CDK14: variants seen among roughly 807,000 people sequenced by gnomAD.
CDK14 encodes cyclin dependent kinase 14, also known as cyclin-dependent kinase 14.
A neutral mutation model predicts 60.7 loss-of-function variants in CDK14; 34 were observed. That is an observed-to-expected ratio of 0.56 (90% CI 0.43 to 0.75). CDK14 has a LOEUF of 0.75. Ranked by LOEUF, CDK14 falls within the 30% of genes least tolerant of loss-of-function variation. The pLI is 0.00. For missense variants in CDK14, 482 were observed against 564.1 expected (o/e 0.85, Z 1.47); for synonymous variants, 197 against 203.7 (o/e 0.97, Z 0.28).
At chr7:90,937,213 C>A (rs1276077410) in intron 8 of CDK14, among the ~76,000 whole-genome samples, 1 of 152,156 alleles carries the variant, frequency 6.6e-6, no homozygotes, top group Non-Finnish European at 1.5e-5. Context: ...ATATGGTAAA[C>A]TGTAGAAACA....
chr7:90,940,258 AT>A (rs375481202), intron 8 of CDK14, among the ~76,000 whole-genome samples: 1,690 of 152,184 alleles, frequency 0.011, 33 homozygotes, highest in African/African-American at 0.037. Context: ...AGAATCACAC[AT>A]TTTTTACATA....
chr7:90,918,592 C>T (rs186295859), intron 8 of CDK14, among the ~76,000 whole-genome samples: 21 of 152,320 alleles, frequency 1.4e-4, no homozygotes, highest in Admixed American at 6.5e-4. Flanking sequence ...GGCAGCATAA[C>T]GTGTTGACAT....
At chr7:91,086,157 C>T (rs957989411) in intron 12 of CDK14, among the ~76,000 whole-genome samples, 11 of 152,206 alleles carry the variant, frequency 7.2e-5, no homozygotes, top group African/African-American at 2.4e-4. Context: ...ATTTTGCACT[C>T]AAGTGTCCAG....
chr7:90,981,158 A>G, intron 9 of CDK14, among the ~76,000 whole-genome samples: 1 of 152,238 alleles, frequency 6.6e-6, no homozygotes, highest in East Asian at 1.9e-4. Context: ...AAATAAGAAG[A>G]AAATAGTCTT....
At chr7:90,831,690 G>GT (rs34325666) in intron 5 of CDK14, among the ~76,000 whole-genome samples, 4 of 150,102 alleles carry the variant, frequency 2.7e-5, no homozygotes, top group East Asian at 3.9e-4. Flanking sequence ...ACACTTGACT[G>GT]TTTTTTTTTT....
intron 11 of CDK14, among the ~76,000 whole-genome samples, chr7:91,060,519 G>T (rs1376721212): frequency 6.6e-6 from 1 of 152,170 alleles, no homozygotes; most frequent in Non-Finnish European, 1.5e-5. Flanking sequence ...AATTTGGCAT[G>T]TTTTTGCAGT....
chr7:90,706,372 C>G (rs1801895534), intron 2 of CDK14, among the ~76,000 whole-genome samples: 1 of 152,140 alleles, frequency 6.6e-6, no homozygotes, highest in Non-Finnish European at 1.5e-5. Flanking sequence ...CATTTCCACT[C>G]TACATATGTC....
chr7:91,022,061 A>C (rs981581770), intron 10 of CDK14, among the ~76,000 whole-genome samples: 2 of 152,196 alleles, frequency 1.3e-5, no homozygotes, highest in Non-Finnish European at 2.9e-5. Context: ...GGATGGGTCC[A>C]GTCTTGCTGT....
chr7:90,774,388 G>A (rs978348716), intron 4 of CDK14, among the ~76,000 whole-genome samples: 3 of 152,040 alleles, frequency 2.0e-5, no homozygotes, highest in Non-Finnish European at 4.4e-5. Flanking sequence ...TTGCCTATAA[G>A]ACAGTTCATT....
chr7:90,666,954 T>A (rs1307337179), intron 2 of CDK14, among the ~76,000 whole-genome samples: 1 of 152,254 alleles, frequency 6.6e-6, no homozygotes, highest in Non-Finnish European at 1.5e-5. Flanking sequence ...AATCTGCATA[T>A]GCCTATTACC....
At chr7:90,911,052 T>A (rs1250234826) in intron 7 of CDK14, among the ~76,000 whole-genome samples, 1 of 152,166 alleles carries the variant, frequency 6.6e-6, no homozygotes, top group Non-Finnish European at 1.5e-5. Flanking sequence ...TTTCTTGCTA[T>A]GATACTTTGC....
intron 11 of CDK14, among the ~76,000 whole-genome samples, chr7:91,076,370 G>A (rs765515202): frequency 6.7e-6 from 1 of 148,664 alleles, no homozygotes; most frequent in Admixed American, 6.8e-5. Flanking sequence ...TCTGATCTTC[G>A]ACAAACCTGA....
At chr7:91,060,564 T>G (rs1187673678) in intron 11 of CDK14, among the ~76,000 whole-genome samples, 1 of 152,216 alleles carries the variant, frequency 6.6e-6, no homozygotes, top group Non-Finnish European at 1.5e-5. Context: ...ATGTTTCTGC[T>G]TCCTTCAGGA....
chr7:90,886,007 C>A (rs1168476822), intron 6 of CDK14, among the ~76,000 whole-genome samples: 5 of 152,084 alleles, frequency 3.3e-5, no homozygotes, highest in African/African-American at 1.2e-4. Context: ...GCACATTCTG[C>A]ACATATATCT....
chr7:90,987,414 C>G (rs1009539912), intron 10 of CDK14, among the ~76,000 whole-genome samples: 10 of 151,916 alleles, frequency 6.6e-5, no homozygotes, highest in Non-Finnish European at 1.3e-4. Context: ...TTTTACATGT[C>G]TAATGCCTCT....
intron 2 of CDK14, among the ~76,000 whole-genome samples, chr7:90,673,782 T>G (rs1052042357): frequency 2.0e-5 from 3 of 152,212 alleles, no homozygotes; most frequent in Admixed American, 6.5e-5. Flanking sequence ...ATATCCTTAC[T>G]TTGCTTTCAT....
chr7:90,598,936 C>A (rs948373102), intron 1 of CDK14, among the ~76,000 whole-genome samples: 4 of 151,812 alleles, frequency 2.6e-5, no homozygotes, highest in African/African-American at 9.7e-5. Flanking sequence ...GATCTCCTGA[C>A]CTCGTGATCC....
intron 2 of CDK14, among the ~76,000 whole-genome samples, chr7:90,689,461 G>A (rs1801508860): frequency 2.0e-5 from 3 of 152,040 alleles, no homozygotes; most frequent in Non-Finnish European, 4.4e-5. Context: ...TGGAGGAGAG[G>A]GATAAAAGAG....
intron 6 of CDK14, among the ~76,000 whole-genome samples, chr7:90,870,940 A>G (rs1791352004): frequency 6.6e-6 from 1 of 152,238 alleles, no homozygotes; most frequent in African/African-American, 2.4e-5. Context: ...GATATTTAAA[A>G]CAAGAATAGA....
Sources: allele counts gnomAD v4.1 joint callset (sites outside exome capture counted in the v4.1 genomes callset), GRCh38; gene constraint gnomAD v4.1.1; transcripts MANE v1.5; gene names NCBI Gene and HGNC (gene_info 2026-07-23, HGNC 2026-07-21).